The following SCAF4 variants were observed in gnomAD, a reference collection of about 807,000 sequenced individuals.
SCAF4 encodes the protein SR-related CTD associated factor 4.
In SCAF4, 25 loss-of-function variants were observed where a neutral mutation model predicts 129.8. That is an observed-to-expected ratio of 0.19 (90% confidence interval 0.14 to 0.27). The LOEUF (loss-of-function observed/expected upper bound fraction) is 0.27, where lower values mean the gene tolerates loss of function less well. SCAF4 is among the 10% of genes least tolerant of loss of function. The pLI is 1.00. For missense variants in SCAF4, 1,246 were observed against 1,457.1 expected (o/e 0.86, Z 2.36); for synonymous variants, 551 against 497.7 (o/e 1.11, Z -1.43).
chr21:31,704,131 A>G (rs1393036237), intron 3 of SCAF4, among the ~76,000 whole-genome samples: 1 of 151,626 alleles, frequency 6.6e-6, no homozygotes, highest in Non-Finnish European at 1.5e-5. Context: ...GATACTACTG[A>G]CCCCCAAGAT....
At chr21:31,730,604 T>C (rs939883226) in intron 1 of SCAF4, among the ~76,000 whole-genome samples, 1 of 152,230 alleles carries the variant, frequency 6.6e-6, no homozygotes, top group Non-Finnish European at 1.5e-5. Context: ...CAACATTTGA[T>C]TTTTCAATGT....
chr21:31,728,937 G>A (rs2051276630), intron 1 of SCAF4, among the ~76,000 whole-genome samples: 1 of 152,150 alleles, frequency 6.6e-6, no homozygotes, highest in Non-Finnish European at 1.5e-5. Flanking sequence ...AGGATGTGGG[G>A]ACAAAAGGTG....
At chr21:31,674,596 T>C (rs191710381) in intron 19 of SCAF4, among the ~76,000 whole-genome samples, 81 of 152,314 alleles carry the variant, frequency 5.3e-4, no homozygotes, top group Non-Finnish European at 8.1e-4. Flanking sequence ...TAACCAGTTA[T>C]ATTAAAAACA....
At chr21:31,684,955 C>A in intron 19 of SCAF4, 94 bp downstream of exon 19, 1 of 594,866 alleles carries the variant, frequency 1.7e-6, no homozygotes, top group Non-Finnish European at 2.9e-6. Context: ...CCAAAATTAA[C>A]ATTGTTTTTT....
chr21:31,723,533 C>T (rs2051123065), intron 1 of SCAF4, among the ~76,000 whole-genome samples: 1 of 151,958 alleles, frequency 6.6e-6, no homozygotes, highest in African/African-American at 2.4e-5. Context: ...TGTGACATAT[C>T]AGTATGCAGA....
At chr21:31,714,622 G>C (rs2123648883) in intron 1 of SCAF4, among the ~76,000 whole-genome samples, 1 of 152,278 alleles carries the variant, frequency 6.6e-6, no homozygotes. Context: ...AGGGTATCTG[G>C]CCTGTGATAC....
chr21:31,706,460 G>A, intron 1 of SCAF4, 103 bp from the exon 2 acceptor site: 1 of 760,700 alleles, frequency 1.3e-6, no homozygotes, highest in Admixed American at 2.6e-5. Context: ...ATACAAACGG[G>A]GCCGGGGTGG....
intron 19 of SCAF4, among the ~76,000 whole-genome samples, chr21:31,682,850 C>T (rs963935330): frequency 6.6e-6 from 1 of 152,194 alleles, no homozygotes; most frequent in Non-Finnish European, 1.5e-5. Flanking sequence ...CACCACATTC[C>T]TTTATCAAAA....
At chr21:31,689,250 C>A (rs1004304674) in intron 15 of SCAF4, among the ~76,000 whole-genome samples, 11 of 151,922 alleles carry the variant, frequency 7.2e-5, no homozygotes, top group African/African-American at 2.4e-4. Context: ...AGCATTGTTT[C>A]ATCTCTTTTT....
intron 7 of SCAF4, among the ~76,000 whole-genome samples, chr21:31,698,409 TC>T (rs1322650244): frequency 1.3e-5 from 2 of 152,172 alleles, no homozygotes; most frequent in African/African-American, 4.8e-5. Context: ...TCATGGCTTT[TC>T]CTAAATTTAC....
chr21:31,692,063 A>C, intron 13 of SCAF4, 133 bp from the exon 14 acceptor site: 1 of 594,346 alleles, frequency 1.7e-6, no homozygotes, highest in Non-Finnish European at 2.9e-6. Flanking sequence ...TTCATTTCTA[A>C]GTTGGCAATT....
At chr21:31,688,193 T>C (rs937868875) in intron 16 of SCAF4, 114 bp downstream of exon 16, 23 of 643,796 alleles carry the variant, frequency 3.6e-5, no homozygotes, top group African/African-American at 6.1e-5. Flanking sequence ...AAATGTAATA[T>C]GCACATATAT....
chr21:31,719,429 C>A (rs778946855), intron 1 of SCAF4, among the ~76,000 whole-genome samples: 3 of 152,170 alleles, frequency 2.0e-5, no homozygotes, highest in Non-Finnish European at 4.4e-5. Flanking sequence ...CCGGGCAGAA[C>A]TAATTTTCTA....
intron 3 of SCAF4, among the ~76,000 whole-genome samples, chr21:31,705,043 A>G (rs770136471): frequency 1.3e-5 from 2 of 152,192 alleles, no homozygotes; most frequent in Non-Finnish European, 2.9e-5. Flanking sequence ...ACTGAAAATA[A>G]TTTTATTCTG....
Position 31,732,113 on chromosome 21 carries a change from C to T in SCAF4, c.-421G>A. The T allele has an allele frequency of 2.5e-6, 1 of 399,154 alleles. No homozygotes were observed. Among genetic ancestry groups the T allele is most frequent in the African/African-American group, 2.1e-5 (1 of 48,154 alleles). The allele number at this position is 399,154 out of a possible 1,614,324, so 24.7% of individuals were successfully genotyped here. On this transcript the variant is annotated 5_prime_UTR_variant, in exon 1 of 20. Transcript: ENST00000286835. ...CGGCCCGAGTCCACGCCGCGCGGGG[C>T]ACCCTGGGACGGCTCAGGCCTCCCG...
At chr21:31,731,626 G>A (rs901050547) in intron 1 of SCAF4, 37 bp downstream of exon 1, 3 of 1,584,592 alleles carry the variant, frequency 1.9e-6, no homozygotes, top group African/African-American at 1.4e-5. Flanking sequence ...GGCTCCCGCA[G>A]CAGGCCCGGC....
In SCAF4 at chr21:31,671,634, C is replaced by T; in HGVS notation, c.3209G>A (p.Arg1070Lys). 1 of 1,614,154 alleles carries T rather than the reference C, an allele frequency of 6.2e-7. No individual in the cohort carries two copies. Among genetic ancestry groups the T allele is most frequent in the Non-Finnish European group, 8.5e-7 (1 of 1,180,016 alleles). ...CTTTCCTCGGGCTTCTTCCTTCTCT[C>T]TACGAGACTCTCTATCTCTAGAATC... ...ERDSRDRESR[R>K]EKEEARGKEK... The change falls in exon 20 of 20, where the codon AGA becomes AAA. Residue 1070 changes from arginine (R) to lysine (K), a missense_variant. By Grantham distance (26) the Arg-to-Lys change is conservative (BLOSUM62 2). This residue lies in a region of SCAF4 where 339 missense variants were observed against 325.0 expected (regional missense o/e 1.04). Coordinates refer to ENST00000286835, the MANE Select transcript of SCAF4 (RefSeq NM_020706.2).
intron 1 of SCAF4, among the ~76,000 whole-genome samples, chr21:31,715,349 T>C (rs548293919): frequency 6.6e-6 from 1 of 152,270 alleles, no homozygotes; most frequent in East Asian, 1.9e-4. Context: ...TAATCCAGGA[T>C]AATTAACCCG....
chr21:31,702,733 A>G (rs543479541), intron 4 of SCAF4, among the ~76,000 whole-genome samples: 3 of 152,326 alleles, frequency 2.0e-5, no homozygotes, highest in South Asian at 2.1e-4. Flanking sequence ...CAGAGTAATT[A>G]TAACAGCTAA....
Sources: allele counts gnomAD v4.1 joint callset (sites outside exome capture counted in the v4.1 genomes callset), GRCh38; gene constraint gnomAD v4.1.1; regional missense constraint gnomAD v4.1.1; transcripts MANE v1.5; gene names NCBI Gene and HGNC (gene_info 2026-07-23, HGNC 2026-07-21).